ATE1: variants seen among roughly 807,000 people sequenced by gnomAD.
ATE1 encodes arginyltransferase 1.
ATE1 carries 36 observed loss-of-function variants against 70.5 expected under a neutral mutation model. That is an observed-to-expected ratio of 0.51 (90% confidence interval 0.39 to 0.67). ATE1 has a LOEUF of 0.67. Among genes scored for constraint, ATE1 ranks in the 30% least tolerant of loss-of-function variants. The pLI is 0.00. For synonymous variants in ATE1, 232 were observed against 219.3 expected (o/e 1.06, Z -0.51); for missense variants, 593 against 629.5 (o/e 0.94, Z 0.62).
chr10:121,760,948 G>A (rs149323188), intron 11 of ATE1, among the ~76,000 whole-genome samples: 7 of 152,328 alleles, frequency 4.6e-5, no homozygotes, highest in African/African-American at 1.4e-4. Context: ...TGTTGGAGGT[G>A]GAGCCCAGTG....
intron 10 of ATE1, among the ~76,000 whole-genome samples, chr10:121,834,907 C>T (rs1237396373): frequency 6.6e-6 from 1 of 152,022 alleles, no homozygotes. Context: ...TCGTGTACTA[C>T]ATAAAGGAAG....
chr10:121,889,453 A>C (rs1950511414), intron 7 of ATE1, among the ~76,000 whole-genome samples: 1 of 152,196 alleles, frequency 6.6e-6, no homozygotes, highest in African/African-American at 2.4e-5. Context: ...AATACAGTTC[A>C]TGTAAAATGT....
In ATE1 at chr10:121,899,918, C is replaced by T. The variant is rs768017074; in HGVS notation, c.890G>A (p.Arg297His). ...GTTCTTGTGAATAACCATCTGGTAACGTTTATAGACCTGGTAAGACTCCAG... is the reference window on the plus strand; with the variant it reads ...GTTCTTGTGAATAACCATCTGGTAATGTTTATAGACCTGGTAAGACTCCAG... ...TLLESYQVYK[R>H]YQMVIHKNPP... Residue 297 changes from arginine (R) to histidine (H), a missense_variant, in exon 7 of 12, where the codon CGT (arginine) becomes CAT (histidine). Physicochemically the swap from Arg to His is conservative, Grantham distance 29. This residue lies in a region of ATE1 where 467 missense variants were observed against 469.6 expected (regional missense o/e 0.99). Transcript: ENST00000224652. The T allele has an allele frequency of 1.2e-4, 200 of 1,613,728 alleles. 2 individuals carry two copies. The highest frequency in any genetic ancestry group is 1.5e-4 in the Non-Finnish European group (181 of 1,179,852).
rs1040422844 is a variant in ATE1, at chr10:121,797,888, A to G, written c.1258-7599T>C. 3.5e-4 allele frequency among the ~76,000 whole-genome samples: 54 copies of G among 152,260 alleles called. 1 individual carries two copies. Among genetic ancestry groups the G allele is most frequent in the Non-Finnish European group, 1.8e-4 (12 of 68,014 alleles). ...CTTCCATGGGGCTTATCACTGTCTAACCGTCTTGTTAATTTCCTTATTTAT... is the reference window on the plus strand; with the variant it reads ...CTTCCATGGGGCTTATCACTGTCTAGCCGTCTTGTTAATTTCCTTATTTAT... On this transcript the variant is annotated intron_variant, in intron 10 of 11. Transcript: ENST00000224652.
In ATE1 at chr10:121,927,829, G is replaced by A; in HGVS notation, c.106+15C>T. On this transcript the variant is annotated intron_variant, in intron 1 of 11. Coordinates refer to ENST00000224652, the MANE Select transcript of ATE1 (RefSeq NM_001001976.3). ...GGCGCCCGGCTTCCCACGCCCGCCGGCCCGGCTCGCTCACCATTGGAGCGG... is the reference window on the plus strand; with the variant it reads ...GGCGCCCGGCTTCCCACGCCCGCCGACCCGGCTCGCTCACCATTGGAGCGG... 1.3e-6 allele frequency: 2 copies of A among 1,552,718 alleles called. No individual in the cohort carries two copies. The highest frequency in any genetic ancestry group is 8.7e-7 in the Non-Finnish European group (1 of 1,151,608).
chr10:121,830,106 A>C (rs918381444), intron 10 of ATE1, among the ~76,000 whole-genome samples: 1 of 152,212 alleles, frequency 6.6e-6, no homozygotes, highest in African/African-American at 2.4e-5. Flanking sequence ...TACTTTAATA[A>C]GCAGATGTGC....
At chr10:121,875,151 A>AG (rs1950002877) in intron 7 of ATE1, among the ~76,000 whole-genome samples, 1 of 150,724 alleles carries the variant, frequency 6.6e-6, no homozygotes, top group Admixed American at 6.6e-5. Flanking sequence ...AAAAAAAAAA[A>AG]AAAAAAAGAC....
chr10:121,771,108 G>A (rs960706010), intron 11 of ATE1, among the ~76,000 whole-genome samples: 1 of 152,050 alleles, frequency 6.6e-6, no homozygotes, highest in African/African-American at 2.4e-5. Flanking sequence ...GTCCCACTTT[G>A]TCACCCAGGC....
intron 8 of ATE1, among the ~76,000 whole-genome samples, chr10:121,867,084 T>G (rs894754948): frequency 1.3e-5 from 2 of 152,164 alleles, no homozygotes; most frequent in African/African-American, 4.8e-5. Flanking sequence ...GATGAAAGAC[T>G]GCTACTCTCA....
At chr10:121,800,421 CA>C (rs1946831200) in intron 10 of ATE1, among the ~76,000 whole-genome samples, 1 of 152,178 alleles carries the variant, frequency 6.6e-6, no homozygotes, top group Non-Finnish European at 1.5e-5. Context: ...TTACAGTTTT[CA>C]AATCAAAACC....
chr10:121,899,621 T>C (rs1031476625), intron 7 of ATE1, among the ~76,000 whole-genome samples: 6 of 152,242 alleles, frequency 3.9e-5, no homozygotes, highest in Admixed American at 6.5e-5. Flanking sequence ...GCATCTAAAA[T>C]AGTGACTTTA....
intron 11 of ATE1, 150 bp downstream of exon 11, chr10:121,790,019 T>C: frequency 9.8e-7 from 1 of 1,020,682 alleles, no homozygotes; most frequent in Non-Finnish European, 1.3e-6. Flanking sequence ...TGCAAAGTCT[T>C]CCTCTATCTT....
intron 10 of ATE1, among the ~76,000 whole-genome samples, chr10:121,821,122 C>G (rs773270869): frequency 6.6e-6 from 1 of 151,952 alleles, no homozygotes; most frequent in Non-Finnish European, 1.5e-5. Flanking sequence ...CTTTTTGTAT[C>G]GTTAGTAGAG....
At chr10:121,856,948 T>G (rs1949272314) in intron 8 of ATE1, among the ~76,000 whole-genome samples, 2 of 152,224 alleles carry the variant, frequency 1.3e-5, no homozygotes, top group South Asian at 4.1e-4. Context: ...ACATCATACC[T>G]CTGTAATGCT....
intron 11 of ATE1, among the ~76,000 whole-genome samples, chr10:121,775,282 A>G (rs1011428238): frequency 1.3e-5 from 2 of 152,156 alleles, no homozygotes; most frequent in African/African-American, 4.8e-5. Context: ...TACTACTGAT[A>G]GTAAACCCTT....
chr10:121,853,310 G>C (rs2133889990), intron 8 of ATE1, among the ~76,000 whole-genome samples: 1 of 145,150 alleles, frequency 6.9e-6, no homozygotes, highest in South Asian at 2.2e-4. Flanking sequence ...CTTGCAGTGA[G>C]CAGAGATCAT....
intron 5 of ATE1, among the ~76,000 whole-genome samples, chr10:121,905,097 T>A (rs1951138487): frequency 1.3e-5 from 2 of 152,194 alleles, no homozygotes; most frequent in South Asian, 4.1e-4. Context: ...CGAGGCTCTG[T>A]CACTTGGCTA....
chr10:121,792,177 A>G (rs1946479647), intron 10 of ATE1, among the ~76,000 whole-genome samples: 1 of 152,172 alleles, frequency 6.6e-6, no homozygotes, highest in Non-Finnish European at 1.5e-5. Context: ...AGAAATGAGA[A>G]CAATCTAGAT....
At chr10:121,854,210 C>A (rs1949160561) in intron 8 of ATE1, among the ~76,000 whole-genome samples, 1 of 152,142 alleles carries the variant, frequency 6.6e-6, no homozygotes, top group Non-Finnish European at 1.5e-5. Flanking sequence ...ACATGGTTTA[C>A]CACCATATAA....
Sources: allele counts gnomAD v4.1 joint callset (sites outside exome capture counted in the v4.1 genomes callset), GRCh38; gene constraint gnomAD v4.1.1; regional missense constraint gnomAD v4.1.1; transcripts MANE v1.5; gene names NCBI Gene and HGNC (gene_info 2026-07-23, HGNC 2026-07-21).